Variants in NT5DC1 observed in about 807,000 individuals in gnomAD.
The protein encoded by NT5DC1 is 5'-nucleotidase domain containing 1.
Under a neutral mutation model 59.4 loss-of-function variants are expected in NT5DC1, and 42 were observed. The observed-to-expected ratio is 0.71, with a 90% confidence interval of 0.55 to 0.92. The LOEUF (loss-of-function observed/expected upper bound fraction) is 0.92, where lower values mean the gene tolerates loss of function less well. NT5DC1 is among the 40% of genes least tolerant of loss of function. The probability of loss-of-function intolerance (pLI) is 0.00; values close to 1 mark genes in which losing one functional copy is unlikely to be tolerated. For missense variants in NT5DC1, 501 were observed against 537.1 expected (o/e 0.93, Z 0.66); for synonymous variants, 172 against 188.1 (o/e 0.91, Z 0.70).
intron 7 of NT5DC1, among the ~76,000 whole-genome samples, chr6:116,221,630 G>A (rs1781808436): frequency 6.6e-6 from 1 of 152,198 alleles, no homozygotes; most frequent in African/African-American, 2.4e-5. Context: ...GCGGAGCCAT[G>A]TATTTTACTG....
chr6:116,188,613 G>A (rs923720402), intron 6 of NT5DC1, among the ~76,000 whole-genome samples: 2 of 151,700 alleles, frequency 1.3e-5, no homozygotes, highest in African/African-American at 4.8e-5. Context: ...AGGTAGTAAA[G>A]CCAGAAAAGT....
intron 6 of NT5DC1, among the ~76,000 whole-genome samples, chr6:116,158,012 A>G (rs1393791621): frequency 6.6e-6 from 1 of 152,198 alleles, no homozygotes. Context: ...TCCTCTGATC[A>G]TTTGACATTT....
Position 116,135,499 on chromosome 6 carries a change from G to T in NT5DC1, c.529+17554G>T, listed in dbSNP as rs531493665. Among the ~76,000 whole-genome samples, 3 of 151,698 alleles carry T rather than the reference G, an allele frequency of 2.0e-5. No homozygotes were observed. In the East Asian group the frequency reaches 5.8e-4, roughly 29 times the overall value. On this transcript the variant is annotated intron_variant, in intron 6 of 11. Coordinates refer to ENST00000319550, the MANE Select transcript of NT5DC1 (RefSeq NM_152729.3). ...TCAGTTCTGCTTGTTATTCAGCAAA[G>T]TTATGCTTGGACAAAATTAACTTTT...
At chr6:116,120,624 T>C (rs1429475592) in intron 6 of NT5DC1, 1 of 1,559,184 alleles carries the variant, frequency 6.4e-7, no homozygotes, top group Admixed American at 2.1e-5. Flanking sequence ...GAGTGGCCTC[T>C]TGGACCTGGA....
At chr6:116,165,575 A>G (rs1232353594) in intron 6 of NT5DC1, among the ~76,000 whole-genome samples, 1 of 152,184 alleles carries the variant, frequency 6.6e-6, no homozygotes, top group African/African-American at 2.4e-5. Context: ...GTTAATTCGA[A>G]AAATGCCTCT....
chr6:116,109,558 G>C (rs1260679260), intron 3 of NT5DC1, among the ~76,000 whole-genome samples: 1 of 152,166 alleles, frequency 6.6e-6, no homozygotes, highest in South Asian at 2.1e-4. Flanking sequence ...TACAAGGTCT[G>C]TCTCTCTCCA....
rs1392599964 is a variant in NT5DC1, at chr6:116,156,479, T to G, written c.529+38534T>G. ...TGCCTCATAAGGGATTACTATGCTG[T>G]GTATAGTGCAAAGTAAAAAGGAATG... On this transcript the variant is annotated intron_variant, in intron 6 of 11. Coordinates refer to ENST00000319550, the MANE Select transcript of NT5DC1 (RefSeq NM_152729.3). Among the ~76,000 whole-genome samples the G allele has an allele frequency of 2.0e-5, 3 of 152,160 alleles. No individual in the cohort carries two copies. The East Asian group carries it at 5.8e-4, about 29-fold the overall frequency.
intron 11 of NT5DC1, among the ~76,000 whole-genome samples, chr6:116,241,880 G>C (rs1182070666): frequency 7.7e-6 from 1 of 130,716 alleles, no homozygotes; most frequent in Non-Finnish European, 1.6e-5. Context: ...CCGAGATCGC[G>C]CCACTGCACT....
chr6:116,228,124 C>T (rs924216635), intron 8 of NT5DC1, among the ~76,000 whole-genome samples: 28 of 152,196 alleles, frequency 1.8e-4, no homozygotes, highest in Non-Finnish European at 2.9e-4. Context: ...GACCAAAAGT[C>T]CTACCAGTCT....
Position 116,246,194 on chromosome 6 carries a change from C to T in NT5DC1, c.*2170C>T, listed in dbSNP as rs1398879236. 1 of 152,000 alleles carries T rather than the reference C, an allele frequency of 6.6e-6. No individual in the cohort carries two copies. Among genetic ancestry groups the T allele is most frequent in the Non-Finnish European group, 1.5e-5 (1 of 67,946 alleles). The allele number at this position is 152,000 out of a possible 1,614,324, so 9.4% of individuals were successfully genotyped here. A position where few individuals can be genotyped will look rare whatever the true frequency, so the allele number is the denominator to read the frequency against. On this transcript the variant is annotated 3_prime_UTR_variant, in exon 12 of 12. Transcript: ENST00000319550. The stretch of plus-strand genomic sequence containing the variant: ...AAGACATGTAATATTCGCATACAGG[C>T]AAACATTCATAATCTAAAGGACACC...
chr6:116,188,214 A>G (rs1781042901), intron 6 of NT5DC1, among the ~76,000 whole-genome samples: 1 of 152,070 alleles, frequency 6.6e-6, no homozygotes, highest in African/African-American at 2.4e-5. Context: ...GAGGATGTGA[A>G]GCAAAGAGAA....
At chr6:116,193,172 T>G (rs2114495611) in intron 6 of NT5DC1, among the ~76,000 whole-genome samples, 1 of 152,210 alleles carries the variant, frequency 6.6e-6, no homozygotes, top group African/African-American at 2.4e-5. Context: ...TGTAATGGCC[T>G]TTTAGTTTAT....
chr6:116,115,160 T>G (rs946557398), intron 4 of NT5DC1, among the ~76,000 whole-genome samples: 2 of 152,244 alleles, frequency 1.3e-5, no homozygotes, highest in Non-Finnish European at 2.9e-5. Flanking sequence ...TCTACAGTTT[T>G]TAAGCACACT....
intron 6 of NT5DC1, among the ~76,000 whole-genome samples, chr6:116,149,822 T>C (rs887593311): frequency 2.0e-5 from 3 of 152,184 alleles, no homozygotes; most frequent in African/African-American, 7.2e-5. Flanking sequence ...TTAATGAGTC[T>C]CCCTTCTTTA....
chr6:116,178,396 G>A (rs896664566), intron 6 of NT5DC1, among the ~76,000 whole-genome samples: 5 of 152,150 alleles, frequency 3.3e-5, no homozygotes, highest in African/African-American at 9.7e-5. Flanking sequence ...TCATAAAGGC[G>A]ATAGAAAGAA....
intron 11 of NT5DC1, among the ~76,000 whole-genome samples, chr6:116,243,071 T>C (rs1451341737): frequency 6.6e-6 from 1 of 152,266 alleles, no homozygotes; most frequent in African/African-American, 2.4e-5. Flanking sequence ...GTCTCGTGTT[T>C]ATATTTTATC....
chr6:116,170,999 G>T (rs1482848072), intron 6 of NT5DC1, among the ~76,000 whole-genome samples: 1 of 151,940 alleles, frequency 6.6e-6, no homozygotes, highest in Non-Finnish European at 1.5e-5. Flanking sequence ...TATTTAGCCT[G>T]TTACCACCCT....
intron 3 of NT5DC1, among the ~76,000 whole-genome samples, chr6:116,110,302 T>G (rs1193306175): frequency 6.6e-6 from 1 of 152,238 alleles, no homozygotes; most frequent in East Asian, 1.9e-4. Context: ...TCCACATTTC[T>G]CTTCGATTTC....
intron 4 of NT5DC1, among the ~76,000 whole-genome samples, chr6:116,112,180 T>G (rs935758962): frequency 6.6e-6 from 1 of 152,232 alleles, no homozygotes; most frequent in African/African-American, 2.4e-5. Context: ...CTGAGAATGG[T>G]CCTGGGAGTT....
Sources: allele counts gnomAD v4.1 joint callset (sites outside exome capture counted in the v4.1 genomes callset), GRCh38; gene constraint gnomAD v4.1.1; transcripts MANE v1.5; gene names NCBI Gene and HGNC (gene_info 2026-07-23, HGNC 2026-07-21).